The following NEMP2 variants were observed in gnomAD, a reference collection of about 807,000 sequenced individuals.
NEMP2 encodes the protein nuclear envelope integral membrane protein 2.
A neutral mutation model predicts 54.2 loss-of-function variants in NEMP2; 53 were observed. The ratio of observed to expected loss-of-function variants is 0.98; its 90% CI spans 0.78 to 1.23. The LOEUF is 1.23. Ranked by LOEUF, NEMP2 falls within the 50% of genes most tolerant of loss-of-function variation. NEMP2 has a pLI of 0.00. For missense variants in NEMP2, 455 were observed against 511.3 expected, an observed-to-expected ratio of 0.89 and a Z score of 1.06; for synonymous variants, 197 against 190.3, an observed-to-expected ratio of 1.04 and a Z score of -0.29.
the NEMP2 span, among the ~76,000 whole-genome samples, chr2:190,634,581 G>C: frequency 6.6e-6 from 1 of 152,214 alleles, no homozygotes; most frequent in Admixed American, 6.5e-5. The surrounding 1 kb of genome is among the most constrained non-coding windows in gnomAD (Gnocchi z 6.8). Context: ...TAATAGTCAT[G>C]ATACATGTGA....
the NEMP2 span, among the ~76,000 whole-genome samples, chr2:190,576,699 A>G: frequency 6.6e-6 from 1 of 152,142 alleles, no homozygotes. Flanking sequence ...TTTTGGATAC[A>G]TGTGGTGATA....
the NEMP2 span, among the ~76,000 whole-genome samples, chr2:190,573,936 T>C: frequency 1.3e-5 from 2 of 152,182 alleles, no homozygotes; most frequent in African/African-American, 4.8e-5. Flanking sequence ...AAATTTGAAA[T>C]ATTATAAAAA....
downstream of NEMP2, among the ~76,000 whole-genome samples, chr2:190,503,938 T>A (rs186241039): frequency 6.3e-4 from 96 of 152,318 alleles, no homozygotes; most frequent in African/African-American, 2.3e-3. The surrounding 1 kb of genome is among the most constrained non-coding windows in gnomAD (Gnocchi z 6.3). Flanking sequence ...CCAGTCCGGC[T>A]AAGTGCCAGT....
chr2:190,500,472 C>T (rs1196733121), downstream of NEMP2: 1 of 498,928 alleles, frequency 2.0e-6, no homozygotes, highest in African/African-American at 1.9e-5. This position sits in a 1 kb window ranked among gnomAD's most constrained non-coding sequence, Gnocchi z 5.3. Context: ...CAGTTCTTTG[C>T]TTGGTTAGGT....
At chr2:190,458,783 G>T in the NEMP2 span, among the ~76,000 whole-genome samples, 10 of 152,320 alleles carry the variant, frequency 6.6e-5, no homozygotes, top group South Asian at 2.1e-3. The surrounding 1 kb of genome is among the most constrained non-coding windows in gnomAD (Gnocchi z 5.3). Context: ...TCCAGCAAAT[G>T]ACCAGAGGTG....
At chr2:190,432,944 G>A in the NEMP2 span, among the ~76,000 whole-genome samples, 2 of 151,990 alleles carry the variant, frequency 1.3e-5, no homozygotes, top group African/African-American at 2.4e-5. Context: ...CAGGGATTCC[G>A]AGTAGTAAAT....
the NEMP2 span, among the ~76,000 whole-genome samples, chr2:190,584,270 T>C: frequency 6.6e-6 from 1 of 152,152 alleles, no homozygotes; most frequent in African/African-American, 2.4e-5. The surrounding 1 kb of genome is among the most constrained non-coding windows in gnomAD (Gnocchi z 4.2). Context: ...ATAGGGAATA[T>C]GGAAGCCTGA....
the NEMP2 span, among the ~76,000 whole-genome samples, chr2:190,540,287 ATTT>A: frequency 6.9e-6 from 1 of 144,630 alleles, no homozygotes. Context: ...ATAGTGAATG[ATTT>A]TTTTTTTTTT....
chr2:190,524,005 G>A (rs548321306), intron 2 of NEMP2, among the ~76,000 whole-genome samples: 2 of 149,788 alleles, frequency 1.3e-5, no homozygotes, highest in Admixed American at 6.7e-5. Flanking sequence ...GAGTTCAGTA[G>A]ACTCATGGGC....
chr2:190,616,240 G>A, the NEMP2 span, among the ~76,000 whole-genome samples: 2 of 152,314 alleles, frequency 1.3e-5, no homozygotes, highest in South Asian at 4.1e-4. This position sits in a 1 kb window ranked among gnomAD's most constrained non-coding sequence, Gnocchi z 5.1. Context: ...CCAGGGGCAT[G>A]GGCCCAAATA....
the NEMP2 span, among the ~76,000 whole-genome samples, chr2:190,639,333 C>T: frequency 2.0e-5 from 3 of 151,992 alleles, no homozygotes; most frequent in South Asian, 6.2e-4. Flanking sequence ...GGCCAGATGA[C>T]ATTAAAGTGC....
At chr2:190,473,238 ATTAACC>A in the NEMP2 span, among the ~76,000 whole-genome samples, 33 of 152,352 alleles carry the variant, frequency 2.2e-4, no homozygotes, top group African/African-American at 7.9e-4. Context: ...ACATAACAAT[ATTAACC>A]TTAAATATAA....
the NEMP2 span, among the ~76,000 whole-genome samples, chr2:190,637,655 T>C: frequency 3.9e-5 from 6 of 152,214 alleles, no homozygotes; most frequent in Admixed American, 6.5e-5. The surrounding 1 kb of genome is among the most constrained non-coding windows in gnomAD (Gnocchi z 4.5). Context: ...ACCTGTCCAA[T>C]TGTTGCTTGC....
the NEMP2 span, among the ~76,000 whole-genome samples, chr2:190,544,773 G>A: frequency 6.6e-6 from 1 of 152,062 alleles, no homozygotes; most frequent in African/African-American, 2.4e-5. Context: ...ACAGGAAACT[G>A]GTCACCAGTT....
At chr2:190,471,399 G>A in the NEMP2 span, among the ~76,000 whole-genome samples, 7 of 152,176 alleles carry the variant, frequency 4.6e-5, no homozygotes, top group Non-Finnish European at 8.8e-5. The surrounding 1 kb of genome is among the most constrained non-coding windows in gnomAD (Gnocchi z 4.7). Flanking sequence ...CCCTAATACT[G>A]TGCTTTTCCA....
At chr2:190,449,606 G>C in the NEMP2 span, among the ~76,000 whole-genome samples, 1 of 151,994 alleles carries the variant, frequency 6.6e-6, no homozygotes, top group South Asian at 2.1e-4. Flanking sequence ...CAAAAACTTG[G>C]AACCAACCCA....
chr2:190,573,029 AAAATGTGGACATTTTCTTAT>A, the NEMP2 span, among the ~76,000 whole-genome samples: 4 of 151,910 alleles, frequency 2.6e-5, no homozygotes, highest in African/African-American at 9.7e-5. Context: ...TTCCCAAAAG[AAAATGTGGACATTTTCTTAT>A]AAATGTGGGT....
At chr2:190,598,536 C>T in the NEMP2 span, among the ~76,000 whole-genome samples, 1 of 152,230 alleles carries the variant, frequency 6.6e-6, no homozygotes, top group Non-Finnish European at 1.5e-5. Context: ...CGCTGCCAGC[C>T]TTCCACTTGG....
chr2:190,606,077 A>C, the NEMP2 span, among the ~76,000 whole-genome samples: 1 of 152,242 alleles, frequency 6.6e-6, no homozygotes. Flanking sequence ...TCCACCTTCC[A>C]GTCTTGCGCT....
Sources: gnomAD v4.1 joint callset for allele counts (sites outside exome capture counted in the v4.1 genomes callset) on GRCh38, gnomAD v4.1.1 for gene constraint, Gnocchi (gnomAD v3.1) non-coding constraint, MANE v1.5 for transcripts, NCBI Gene and HGNC (gene_info 2026-07-23, HGNC 2026-07-21) for gene names.